The following GANC variants were observed in gnomAD, a reference collection of about 807,000 sequenced individuals.
GANC encodes the protein glucosidase alpha, neutral C, also known as neutral alpha-glucosidase C.
GANC carries 117 observed loss-of-function variants against 124.2 expected under a neutral mutation model. The observed-to-expected ratio is 0.94, with a 90% CI of 0.81 to 1.10. GANC has a LOEUF of 1.10. GANC is among the 50% of genes least tolerant of loss of function. The pLI is 0.00. For synonymous variants in GANC, 377 were observed against 376.8 expected, an observed-to-expected ratio of 1.00 and a Z score of -0.01; for missense variants, 1,140 against 1,095.0, an observed-to-expected ratio of 1.04 and a Z score of -0.58.
chr15:42,276,504 A>G, intron 2 of GANC, 94 bp downstream of exon 2: 4 of 609,362 alleles, frequency 6.6e-6, no homozygotes, highest in South Asian at 5.9e-5. Flanking sequence ...TAGACTTTCC[A>G]AGGAAAGGAT....
intron 6 of GANC, among the ~76,000 whole-genome samples, chr15:42,303,617 C>T (rs1035350584): frequency 6.9e-6 from 1 of 144,730 alleles, no homozygotes; most frequent in Non-Finnish European, 1.5e-5. Context: ...ACCCATCTCA[C>T]GTGCAGAGAC....
chr15:42,277,398 C>T (rs936174259), intron 2 of GANC, among the ~76,000 whole-genome samples: 9 of 151,508 alleles, frequency 5.9e-5, no homozygotes, highest in African/African-American at 1.9e-4. Flanking sequence ...GGCATGGTGG[C>T]GCATGCCTGT....
chr15:42,297,327 A>C (rs2051901253), intron 5 of GANC, among the ~76,000 whole-genome samples: 1 of 152,146 alleles, frequency 6.6e-6, no homozygotes, highest in African/African-American at 2.4e-5. Context: ...ACTCATTTTT[A>C]AATTGTTTTT....
intron 10 of GANC, among the ~76,000 whole-genome samples, chr15:42,311,093 C>T (rs2052046067): frequency 6.6e-6 from 1 of 152,162 alleles, no homozygotes; most frequent in Admixed American, 6.5e-5. Context: ...GCTTTTAGCC[C>T]CTGGGCTATC....
At chr15:42,340,519 G>C (rs766978082) in intron 17 of GANC, among the ~76,000 whole-genome samples, 171 bp from the exon 18 acceptor site, 1 of 151,604 alleles carries the variant, frequency 6.6e-6, no homozygotes, top group Non-Finnish European at 1.5e-5. Context: ...CAGGAGAATC[G>C]GTTGAACCCA....
At chr15:42,323,489 T>C (rs975896958) in intron 11 of GANC, among the ~76,000 whole-genome samples, 1 of 140,106 alleles carries the variant, frequency 7.1e-6, no homozygotes, top group Non-Finnish European at 1.6e-5. Context: ...CATTTTATTT[T>C]ATTTATTTAT....
intron 6 of GANC, among the ~76,000 whole-genome samples, chr15:42,305,983 A>G (rs1454375854): frequency 6.6e-6 from 1 of 151,466 alleles, no homozygotes; most frequent in Non-Finnish European, 1.5e-5. Flanking sequence ...TAGGAGTAAT[A>G]CCTAATGTAG....
chr15:42,324,622 C>T (rs8037797), intron 11 of GANC, among the ~76,000 whole-genome samples: 13,113 of 151,998 alleles, frequency 0.086, 652 homozygotes, highest in South Asian at 0.18. Context: ...GCCTTTAAAA[C>T]GAAGGAAATT....
chr15:42,301,946 G>A (rs1026123563), intron 6 of GANC, among the ~76,000 whole-genome samples: 18 of 152,180 alleles, frequency 1.2e-4, no homozygotes, highest in Admixed American at 8.5e-4. Context: ...TTAAACATTC[G>A]TGCCTGCCAG....
chr15:42,286,487 G>T (rs1364312160), intron 3 of GANC, among the ~76,000 whole-genome samples: 6 of 152,164 alleles, frequency 3.9e-5, no homozygotes, highest in Non-Finnish European at 8.8e-5. Context: ...ATTTCCAAAT[G>T]TTAAAATTTT....
At chr15:42,288,213 G>A (rs910755137) in intron 4 of GANC, among the ~76,000 whole-genome samples, 3 of 152,112 alleles carry the variant, frequency 2.0e-5, no homozygotes, top group African/African-American at 4.8e-5. Flanking sequence ...GATCTAATAC[G>A]CTAGCCAAAC....
At chr15:42,301,983 G>A (rs1372867110) in intron 6 of GANC, among the ~76,000 whole-genome samples, 1 of 152,342 alleles carries the variant, frequency 6.6e-6, no homozygotes, top group East Asian at 1.9e-4. Context: ...GGGTCTCCCA[G>A]CACAGTGCTC....
intron 3 of GANC, chr15:42,283,859 C>T: frequency 1.4e-6 from 1 of 702,648 alleles, no homozygotes; most frequent in Non-Finnish European, 2.6e-6. Context: ...ATCAGAAGCA[C>T]ACCTGGACAG....
rs1377362435 is a variant in GANC, at chr15:42,316,197, C to T, written c.1057+5351C>T. 2.0e-5 allele frequency among the ~76,000 whole-genome samples: 3 copies of T among 152,100 alleles called. No homozygotes were observed. In the East Asian group the frequency reaches 5.8e-4, roughly 29 times the overall value. ...TAGCATTATTCACAATTGTAGGGTC[C>T]AGCCCTATGGGGCTTAGTGGGTGTT... On this transcript the variant is annotated intron_variant, in intron 10 of 23. Coordinates refer to ENST00000318010, the MANE Select transcript of GANC (RefSeq NM_198141.3).
intron 15 of GANC, among the ~76,000 whole-genome samples, chr15:42,332,112 T>C (rs1421738342): frequency 6.6e-6 from 1 of 152,156 alleles, no homozygotes; most frequent in Admixed American, 6.5e-5. Context: ...CTAACTATAG[T>C]CACCTTACTG....
chr15:42,322,615 G>T (rs141439192), intron 11 of GANC, among the ~76,000 whole-genome samples: 2 of 152,166 alleles, frequency 1.3e-5, no homozygotes, highest in African/African-American at 4.8e-5. Flanking sequence ...GAAGGGTAAG[G>T]GGGGAGTAGC....
At position 42,297,675 on chromosome 15, in the gene GANC, T is replaced by C; in HGVS notation, c.558+19T>C. On this transcript the variant is annotated intron_variant, in intron 6 of 23. Transcript: ENST00000318010. Reference sequence around the variant, plus strand: ...CTCTCAGGTAATCTAGATTGATCCATTTATTGTTATCTTTTTCACCATCAT... The same window carrying C: ...CTCTCAGGTAATCTAGATTGATCCACTTATTGTTATCTTTTTCACCATCAT... 1.3e-6 allele frequency: 2 copies of C among 1,567,134 alleles called. No homozygotes were observed. The highest frequency in any genetic ancestry group is 1.1e-5 in the South Asian group (1 of 88,110).
At chr15:42,343,563 T>A (rs2052343030) in intron 19 of GANC, among the ~76,000 whole-genome samples, 1 of 152,188 alleles carries the variant, frequency 6.6e-6, no homozygotes, top group South Asian at 2.1e-4. Context: ...CAAAAGCTGG[T>A]CTCAATACAC....
intron 3 of GANC, among the ~76,000 whole-genome samples, chr15:42,278,955 A>G (rs968498649): frequency 6.6e-6 from 1 of 152,200 alleles, no homozygotes; most frequent in Non-Finnish European, 1.5e-5. Context: ...TGATAGTGCC[A>G]CTGCACTTCA....
Sources: allele counts gnomAD v4.1 joint callset (sites outside exome capture counted in the v4.1 genomes callset), GRCh38; gene constraint gnomAD v4.1.1; transcripts MANE v1.5; gene names NCBI Gene and HGNC (gene_info 2026-07-23, HGNC 2026-07-21).